The following SEMA5B variants were observed in gnomAD, a reference collection of about 807,000 sequenced individuals.
SEMA5B encodes the protein semaphorin-5B.
A neutral mutation model predicts 135.0 loss-of-function variants in SEMA5B; 66 were observed. The ratio of observed to expected loss-of-function variants is 0.49; its 90% CI spans 0.40 to 0.60. The LOEUF (loss-of-function observed/expected upper bound fraction) is 0.60, where lower values mean the gene tolerates loss of function less well. Ranked by LOEUF, SEMA5B falls within the 20% of genes least tolerant of loss-of-function variation. The pLI, the probability that SEMA5B is intolerant of heterozygous loss-of-function variation, is 0.00. For missense variants in SEMA5B, 1,501 were observed against 1,566.3 expected (o/e 0.96, Z 0.70); for synonymous variants, 690 against 639.5 (o/e 1.08, Z -1.19).
chr3:122,945,517 A>G (rs535028836), intron 3 of SEMA5B, among the ~76,000 whole-genome samples: 147 of 152,166 alleles, frequency 9.7e-4, no homozygotes, highest in African/African-American at 3.4e-3. Context: ...TTTCCATTCC[A>G]TTCACATTGT....
At chr3:123,009,148 G>C (rs73859423) in intron 1 of SEMA5B, among the ~76,000 whole-genome samples, 1,832 of 152,262 alleles carry the variant, frequency 0.012, 37 homozygotes, top group African/African-American at 0.04. Context: ...CAGTGTTTCA[G>C]CCTGAGATGA....
intron 10 of SEMA5B, among the ~76,000 whole-genome samples, chr3:122,922,739 T>C (rs377007106): frequency 2.8e-4 from 42 of 152,212 alleles, no homozygotes; most frequent in Middle Eastern, 6.8e-3. Context: ...ACGGATACTT[T>C]GAGTGTGGAC....
intron 10 of SEMA5B, 62 bp from the exon 11 acceptor site, chr3:122,922,509 G>T: frequency 6.8e-7 from 1 of 1,478,538 alleles, no homozygotes; most frequent in South Asian, 1.2e-5. Flanking sequence ...TCCCCCGCCG[G>T]CTCCCTCCTC....
chr3:122,912,697 T>G, intron 18 of SEMA5B, 146 bp downstream of exon 18: 1 of 757,866 alleles, frequency 1.3e-6, no homozygotes, highest in Non-Finnish European at 2.1e-6. Context: ...GGGGCAGAAA[T>G]TTGCTCTGGG....
rs577743343 is a variant in SEMA5B at position 122,926,701 on chromosome 3, G to T, written c.851-24C>A. On this transcript the variant is annotated intron_variant, in intron 8 of 22. Coordinates refer to ENST00000357599, the MANE Select transcript of SEMA5B (RefSeq NM_001031702.4). ...CTCTGGGTGGGCAGAAGAGGAACAA[G>T]GGGCAGGGCAGGCCAGCGGGGAAGA... The T allele has an allele frequency of 4.4e-6, 7 of 1,604,394 alleles. No homozygotes were observed. The Admixed American group carries it at 5.0e-5, about 11-fold the overall frequency.
Position 122,927,889 on chromosome 3 carries a change from TG to T in SEMA5B, c.750del (p.Thr251ArgfsTer90), listed in dbSNP as rs748766314. On this transcript the variant is annotated frameshift_variant, in exon 8 of 23. Coordinates refer to ENST00000357599, the MANE Select transcript of SEMA5B (RefSeq NM_001031702.4). LOFTEE classifies it high-confidence loss of function. ...TCCCGACCTGAGAAGTCGATGACCG[TG>T]GCTGCATAGAGCTCCCCCTGGGAGG... Reference protein sequence around the residue: ...VISSQGELYAATVIDFSGRDP... With the variant: ...VISSQGELYAXTVIDFSGRDP... The T allele has an allele frequency of 6.3e-7, 1 of 1,596,936 alleles. No individual in the cohort carries two copies. The highest frequency in any genetic ancestry group is 8.5e-7 in the Non-Finnish European group (1 of 1,171,050).
intron 1 of SEMA5B, among the ~76,000 whole-genome samples, chr3:122,964,053 G>A (rs1052188252): frequency 1.1e-4 from 16 of 152,040 alleles, no homozygotes; most frequent in African/African-American, 2.7e-4. Context: ...CCACCAGGCC[G>A]CCTCTGTCTC....
chr3:122,912,152 TG>T lies in SEMA5B; in HGVS notation c.2896+19del. The T allele has an allele frequency of 1.3e-6, 2 of 1,580,276 alleles. No homozygotes were observed. The highest frequency in any genetic ancestry group is 1.7e-6 in the Non-Finnish European group (2 of 1,157,598). On this transcript the variant is annotated intron_variant, in intron 19 of 22. Transcript: ENST00000357599. ...AGGGCTCCATGTCGCTTCCCAGCCC[TG>T]GCGGGATGTGCCTCATACCTGGGCA...
intron 18 of SEMA5B, among the ~76,000 whole-genome samples, chr3:122,912,627 A>G (rs986735367): frequency 4.0e-5 from 6 of 149,294 alleles, no homozygotes; most frequent in African/African-American, 1.5e-4. Context: ...AAAAAAAAAA[A>G]GGGACAGGGA....
intron 1 of SEMA5B, among the ~76,000 whole-genome samples, chr3:122,988,968 A>C (rs1464417715): frequency 6.6e-6 from 1 of 152,252 alleles, no homozygotes; most frequent in Non-Finnish European, 1.5e-5. Context: ...TGTACTTAAG[A>C]GGAATCCCAT....
At chr3:122,959,501 A>G (rs891033472) in intron 2 of SEMA5B, among the ~76,000 whole-genome samples, 1 of 152,252 alleles carries the variant, frequency 6.6e-6, no homozygotes, top group Non-Finnish European at 1.5e-5. Context: ...ATGGTCTATA[A>G]TCTTCTGTAT....
At chr3:122,955,555 T>C (rs1432666981) in intron 2 of SEMA5B, among the ~76,000 whole-genome samples, 1 of 152,228 alleles carries the variant, frequency 6.6e-6, no homozygotes, top group African/African-American at 2.4e-5. Context: ...AACACGTCTG[T>C]CTGATTTGAT....
At chr3:123,004,803 T>C (rs750925960) in intron 1 of SEMA5B, among the ~76,000 whole-genome samples, 9 of 152,202 alleles carry the variant, frequency 5.9e-5, no homozygotes, top group Non-Finnish European at 1.3e-4. Flanking sequence ...GTTGCTCTTT[T>C]AGAGCAAACA....
chr3:122,999,337 G>A (rs1022962231), intron 1 of SEMA5B, among the ~76,000 whole-genome samples: 5 of 152,088 alleles, frequency 3.3e-5, no homozygotes, highest in East Asian at 1.9e-4. Context: ...AGCGATTCTC[G>A]TTACTCAGCC....
intron 4 of SEMA5B, among the ~76,000 whole-genome samples, chr3:122,940,483 A>G (rs1002506518): frequency 6.6e-5 from 10 of 151,982 alleles, no homozygotes; most frequent in African/African-American, 2.2e-4. Context: ...TCCCCCACCA[A>G]TTTTCTTTCT....
Position 122,912,960 on chromosome 3 carries a change from C to A in SEMA5B, c.2608G>T (p.Glu870Ter), listed in dbSNP as rs754750748. Residue 870 changes from glutamate (E) to a stop codon, truncating the protein, a stop_gained, in exon 18 of 23, where the codon GAG becomes TAG. Transcript: ENST00000357599. LOFTEE classifies it high-confidence loss of function. ...CTCTTGCGGACGCGGAAGCCCAGCT[C>A]GCAGTCCCGGGAGCAGGACGACCAC... Reference protein sequence around the residue: ...GPWSSCSRDCELGFRVRKRTC... With the variant: ...GPWSSCSRDC 6.2e-7 allele frequency: 1 copy of A among 1,612,318 alleles called. No individual in the cohort carries two copies. The highest frequency in any genetic ancestry group is 8.5e-7 in the Non-Finnish European group (1 of 1,179,334).
intron 4 of SEMA5B, 40 bp downstream of exon 4, chr3:122,943,396 C>T: frequency 7.1e-7 from 1 of 1,400,628 alleles, no homozygotes. Context: ...CAGCTCCAAG[C>T]CCCTGCACTT....
At chr3:122,926,285 G>A (rs1360995821) in intron 9 of SEMA5B, 107 bp downstream of exon 9, 15 of 1,098,872 alleles carry the variant, frequency 1.4e-5, no homozygotes, top group African/African-American at 6.3e-5. Context: ...GATGACCCCC[G>A]GCAGGAGGCA....
At chr3:122,965,870 G>T (rs1940794897) in intron 1 of SEMA5B, among the ~76,000 whole-genome samples, 2 of 152,312 alleles carry the variant, frequency 1.3e-5, no homozygotes, top group Admixed American at 6.5e-5. Flanking sequence ...GCAGATAGTA[G>T]AGTGGGCCAT....
Sources: gnomAD v4.1 joint callset for allele counts (sites outside exome capture counted in the v4.1 genomes callset) on GRCh38, gnomAD v4.1.1 for gene constraint, MANE v1.5 for transcripts, NCBI Gene and HGNC (gene_info 2026-07-23, HGNC 2026-07-21) for gene names.